The following ADCY10 variants were observed in gnomAD, a reference collection of about 807,000 sequenced individuals.
ADCY10 encodes the protein adenylate cyclase type 10.
Under a neutral mutation model 183.3 loss-of-function variants are expected in ADCY10, and 156 were observed. That is an observed-to-expected ratio of 0.85 (90% CI 0.75 to 0.97). ADCY10 has a LOEUF of 0.97. Among genes scored for constraint, ADCY10 ranks in the 50% least tolerant of loss-of-function variants. The probability of loss-of-function intolerance (pLI) is 0.00; values close to 1 mark genes in which losing one functional copy is unlikely to be tolerated. For synonymous variants in ADCY10, 645 were observed against 670.0 expected (o/e 0.96, Z 0.58); for missense variants, 1,745 against 1,934.3 (o/e 0.90, Z 1.84).
chr1:167,906,913 A>C (rs1289391301), intron 1 of ADCY10, among the ~76,000 whole-genome samples: 1 of 152,234 alleles, frequency 6.6e-6, no homozygotes, highest in Non-Finnish European at 1.5e-5. Context: ...TGTTGAAAAC[A>C]AGGTAATTAA....
intron 19 of ADCY10, among the ~76,000 whole-genome samples, chr1:167,847,160 C>T (rs1391840367): frequency 6.6e-6 from 1 of 151,946 alleles, no homozygotes; most frequent in African/African-American, 2.4e-5. Flanking sequence ...CTCCTGACCT[C>T]AGGTGATCCA....
At position 167,883,736 on chromosome 1, in the gene ADCY10, A is replaced by C. The variant is rs942809787; in HGVS notation, c.829-108T>G. 1.7e-5 allele frequency: 17 copies of C among 979,780 alleles called. No homozygotes were observed. In the African/African-American group the frequency reaches 2.2e-4, roughly 13 times the overall value. The allele number at this position is 979,780 out of a possible 1,614,324, so 60.7% of individuals were successfully genotyped here. Reference sequence around the variant, plus strand: ...TCATCTAGGGAATGTCTACCTCAGAATGGGTGAGGTACAACATGACAGAGC... The same window carrying C: ...TCATCTAGGGAATGTCTACCTCAGACTGGGTGAGGTACAACATGACAGAGC... On this transcript the variant is annotated intron_variant, in intron 8 of 32. Coordinates refer to ENST00000367851, the MANE Select transcript of ADCY10 (RefSeq NM_018417.6).
rs1323476257 is a variant in ADCY10, at chr1:167,905,114, C to T, written c.27G>A (p.Gln9=). 1.9e-6 allele frequency: 3 copies of T among 1,614,184 alleles called. No homozygotes were observed. The highest frequency in any genetic ancestry group is 1.7e-5 in the Admixed American group (1 of 60,028). MNTPKEEF[Q]DWPIVRIAAH... is the part of the protein sequence containing the mutation. ...CTGCTATTCTGACTATGGGCCAGTC[C>T]TGGAATTCTTCTTTTGGAGTGTTCA... Residue 9 remains glutamine, a synonymous_variant, in exon 2 of 33, where the codon CAG becomes CAA. Transcript: ENST00000367851.
intron 23 of ADCY10, among the ~76,000 whole-genome samples, chr1:167,834,278 G>A (rs946708814): frequency 1.3e-5 from 2 of 152,200 alleles, no homozygotes; most frequent in African/African-American, 4.8e-5. Flanking sequence ...TCACCTTCAT[G>A]CTTACCTTTG....
chr1:167,840,614 A>C (rs204268), intron 21 of ADCY10, among the ~76,000 whole-genome samples: 109,723 of 151,936 alleles, frequency 0.72, 40,736 homozygotes, highest in African/African-American at 0.9. Flanking sequence ...CCTCGGCCTC[A>C]CAAAGTGCTG....
chr1:167,822,966 T>A (rs771129804), intron 29 of ADCY10, 42 bp downstream of exon 29: 1 of 1,564,604 alleles, frequency 6.4e-7, no homozygotes, highest in Non-Finnish European at 8.8e-7. Context: ...AGCACAGGTA[T>A]CAACACCCCC....
At chr1:167,904,579 G>A (rs1571464692) in intron 2 of ADCY10, 3 of 415,750 alleles carry the variant, frequency 7.2e-6, no homozygotes, top group Non-Finnish European at 8.5e-6. Context: ...TCATTCCGTG[G>A]TAACAAAAAC....
At chr1:167,834,163 T>A in intron 23 of ADCY10, 86 bp from the exon 24 acceptor site, 1 of 995,026 alleles carries the variant, frequency 1.0e-6, no homozygotes, top group Non-Finnish European at 1.6e-6. Flanking sequence ...TCTACTGAAG[T>A]AAGAGATGCA....
rs1663021752 is a variant in ADCY10 at position 167,823,125 on chromosome 1, T to C, written c.4053-2A>G. 1 of 1,613,590 alleles carries C rather than the reference T, an allele frequency of 6.2e-7. No individual in the cohort carries two copies. Among genetic ancestry groups the C allele is most frequent in the Non-Finnish European group, 8.5e-7 (1 of 1,179,542 alleles). ...AGCACCTGGATCAATTGCGGGTATC[T>C]ATGGAAAAGAAAAGGTAGTGGCCAT... is the stretch of plus-strand genomic sequence containing the variant. On this transcript the variant is annotated splice_acceptor_variant, in intron 28 of 32. Transcript: ENST00000367851. LOFTEE classifies it high-confidence loss of function.
intron 12 of ADCY10, among the ~76,000 whole-genome samples, chr1:167,876,615 G>A (rs1667486705): frequency 6.6e-6 from 1 of 152,182 alleles, no homozygotes; most frequent in African/African-American, 2.4e-5. Context: ...TACTGTGTGT[G>A]TATTTCTCCA....
chr1:167,907,743 T>C (rs1669911340), intron 1 of ADCY10, among the ~76,000 whole-genome samples: 2 of 152,242 alleles, frequency 1.3e-5, no homozygotes, highest in Admixed American at 6.5e-5. Flanking sequence ...TTGGAAGAGT[T>C]ATTAAACTTT....
intron 25 of ADCY10, 123 bp downstream of exon 25, chr1:167,832,864 C>T: frequency 2.0e-6 from 2 of 1,020,364 alleles, no homozygotes; most frequent in Non-Finnish European, 1.5e-6. Context: ...AGTGAATGGT[C>T]AGAGCCAAAC....
chr1:167,882,570 G>A (rs944636269), intron 9 of ADCY10, among the ~76,000 whole-genome samples: 19 of 151,954 alleles, frequency 1.3e-4, no homozygotes, highest in African/African-American at 3.9e-4. Context: ...AAATAAAAGG[G>A]GAACTGGAGG....
chr1:167,866,476 G>C (rs1287706798), intron 14 of ADCY10, among the ~76,000 whole-genome samples: 1 of 147,942 alleles, frequency 6.8e-6, no homozygotes, highest in Non-Finnish European at 1.5e-5. Context: ...AAAAACTCAG[G>C]TCGGCCCCAG....
At position 167,854,493 on chromosome 1, in the gene ADCY10, T is replaced by C; in HGVS notation, c.2172-4A>G. The C allele has an allele frequency of 6.2e-7, 1 of 1,614,048 alleles. No homozygotes were observed. Among genetic ancestry groups the C allele is most frequent in the Non-Finnish European group, 8.5e-7 (1 of 1,179,962 alleles). ...ACAGCTTCCCTCCCCCAGGTACCTG[T>C]AGTGAAAACAAGGCAATCTGTTTAC... On this transcript the variant is annotated splice_region_variant and splice_polypyrimidine_tract_variant and intron_variant, in intron 17 of 32. Coordinates refer to ENST00000367851, the MANE Select transcript of ADCY10 (RefSeq NM_018417.6).
intron 21 of ADCY10, among the ~76,000 whole-genome samples, chr1:167,838,188 T>G (rs545849652): frequency 2.0e-5 from 3 of 152,238 alleles, no homozygotes; most frequent in Admixed American, 6.5e-5. Context: ...CTTGCCTCCA[T>G]AGATAAGTAC....
At chr1:167,852,112 G>T (rs920307731) in intron 18 of ADCY10, among the ~76,000 whole-genome samples, 2 of 152,116 alleles carry the variant, frequency 1.3e-5, no homozygotes, top group Non-Finnish European at 2.9e-5. Flanking sequence ...ACACTGAAGG[G>T]TTTTAAATAG....
In ADCY10 at chr1:167,845,694, T is replaced by C. The variant is rs759975887; in HGVS notation, c.2876A>G (p.Glu959Gly). Residue 959 changes from glutamate (E) to glycine (G), a missense_variant, in exon 21 of 33, where the codon GAA (glutamate) becomes GGA (glycine). Glu to Gly is a moderately conservative substitution (Grantham distance 98). Transcript: ENST00000367851. ...MHLKCARFLE[E>G]DAHRCDHCRG... ...GCAGTGGTCACATCTGTGGGCATCT[T>C]CTTCTAAAAAGCGGGCACATTTCAA... The C allele has an allele frequency of 3.1e-6, 5 of 1,614,208 alleles. No homozygotes were observed. The South Asian group carries it at 5.5e-5, about 18-fold the overall frequency.
chr1:167,883,859 A>G (rs1056277422), intron 8 of ADCY10, among the ~76,000 whole-genome samples: 1 of 152,192 alleles, frequency 6.6e-6, no homozygotes, highest in Non-Finnish European at 1.5e-5. Flanking sequence ...CAACCACTCC[A>G]TTACCCCAAC....
Sources: gnomAD v4.1 joint callset for allele counts (sites outside exome capture counted in the v4.1 genomes callset) on GRCh38, gnomAD v4.1.1 for gene constraint, MANE v1.5 for transcripts, NCBI Gene and HGNC (gene_info 2026-07-23, HGNC 2026-07-21) for gene names.